Variants in TBC1D8B observed in about 807,000 individuals in gnomAD.
TBC1D8B encodes TBC1 domain family member 8B.
Under a neutral mutation model 82.9 loss-of-function variants are expected in TBC1D8B, and 75 were observed. That is an observed-to-expected ratio of 0.90 (90% confidence interval 0.75 to 1.10). TBC1D8B has a LOEUF of 1.10. Among genes scored for constraint, TBC1D8B ranks in the 50% least tolerant of loss-of-function variants. The pLI, the probability that TBC1D8B is intolerant of heterozygous loss-of-function variation, is 0.00. For synonymous variants in TBC1D8B, 276 were observed against 276.8 expected (o/e 1.00, Z 0.03); for missense variants, 794 against 796.9 (o/e 1.00, Z 0.04).
chrX:106,827,642 C>A, intron 7 of TBC1D8B: 1 of 181,612 alleles, frequency 5.5e-6, no homozygotes, highest in Non-Finnish European at 1.0e-5. Context: ...TTTAAGAAGT[C>A]AAAATATATT....
In TBC1D8B at chrX:106,810,966, C is replaced by T. The variant is rs187178373; in HGVS notation, c.131-7697C>T. ...ATACCTAAGTAGAAAACTAATATTTCCTGTCAAGTAGATTTCATTCTAATG... is the reference window on the plus strand; with the variant it reads ...ATACCTAAGTAGAAAACTAATATTTTCTGTCAAGTAGATTTCATTCTAATG... On this transcript the variant is annotated intron_variant, in intron 1 of 20. Transcript: ENST00000357242. Among the ~76,000 whole-genome samples the T allele has an allele frequency of 7.2e-5, 8 of 110,785 alleles. No individual in the cohort carries two copies. The East Asian group carries it at 2.0e-3, about 27-fold the overall frequency.
At chrX:106,857,885 T>C (rs1932729733) in intron 14 of TBC1D8B, among the ~76,000 whole-genome samples, 1 of 112,467 alleles carries the variant, frequency 8.9e-6, no homozygotes, top group Non-Finnish European at 1.9e-5. Flanking sequence ...TACACATACA[T>C]GTGTCTTTAT....
At chrX:106,842,621 ATCTATCTATCTATCTATC>A (rs1215258652) in intron 10 of TBC1D8B, among the ~76,000 whole-genome samples, 4 of 96,063 alleles carry the variant, frequency 4.2e-5, no homozygotes, top group African/African-American at 2.2e-4. Context: ...CTATCTATCT[ATCTATCTATCTATCTATC>A]TATCTATCTA....
rs777560933 is a variant in TBC1D8B at position 106,857,304 on chromosome X, C to T, written c.2352+3008C>T. Among the ~76,000 whole-genome samples the T allele has an allele frequency of 2.7e-5, 3 of 110,486 alleles. No individual in the cohort carries two copies. The South Asian group carries it at 1.2e-3, about 44-fold the overall frequency. On this transcript the variant is annotated intron_variant, in intron 14 of 20. Transcript: ENST00000357242. ...AGTAGCTGGGATTACAGGTGCCTGT[C>T]ACCATGCCCAGCTAATTTTTGTATT...
rs1333110996 is a variant in TBC1D8B at position 106,826,205 on chromosome X, A to G, written c.1003A>G (p.Asn335Asp). 2.5e-6 allele frequency: 3 copies of G among 1,209,129 alleles called. No individual in the cohort carries two copies. In the African/African-American group the frequency reaches 5.2e-5, roughly 21 times the overall value. ...NYICFASQDG[N>D]QCSVIIPLRE... Reference sequence around the variant, plus strand: ...TATCTGCTTTGCTAGCCAAGATGGCAATCAGTGTAGTGTAATCATTCCACT... The same window carrying G: ...TATCTGCTTTGCTAGCCAAGATGGCGATCAGTGTAGTGTAATCATTCCACT... Residue 335 changes from asparagine (N) to aspartate (D), a missense_variant, in exon 6 of 21, where the codon AAT becomes GAT. Asn to Asp is a conservative substitution (Grantham distance 23, BLOSUM62 1). Transcript: ENST00000357242.
Position 106,865,797 on chromosome X carries a change from A to G in TBC1D8B, c.2426A>G (p.Glu809Gly). 8.5e-7 allele frequency: 1 copy of G among 1,182,169 alleles called. No homozygotes were observed. Among genetic ancestry groups the G allele is most frequent in the Non-Finnish European group, 1.1e-6 (1 of 883,625 alleles). The change falls in exon 16 of 21, where the codon GAG becomes GGG. Residue 809 changes from glutamate (E) to glycine (G), a missense_variant. By Grantham distance (98) the Glu-to-Gly change is moderately conservative. Coordinates refer to ENST00000357242, the MANE Select transcript of TBC1D8B (RefSeq NM_017752.3). Reference sequence around the variant, plus strand: ...TTTTTTATTTATTTTTAATAGAAAGAGCTGTTTTTATCTTGTTATTGGTGT... The same window carrying G: ...TTTTTTATTTATTTTTAATAGAAAGGGCTGTTTTTATCTTGTTATTGGTGT... ...LDELYVIFKK[E>G]LFLSCYWCLG... is the part of the protein sequence containing the mutation.
intron 1 of TBC1D8B, chrX:106,814,497 A>T (rs1383918924): frequency 1.9e-5 from 2 of 106,584 alleles, no homozygotes; most frequent in Non-Finnish European, 3.9e-5. Context: ...ATAGTGCCGC[A>T]ATAAACATAC....
intron 11 of TBC1D8B, chrX:106,849,665 G>C: frequency 1.1e-6 from 1 of 877,055 alleles, no homozygotes; most frequent in African/African-American, 2.1e-5. Flanking sequence ...TTTGTTGTTT[G>C]GCATTGTCAA....
intron 11 of TBC1D8B, chrX:106,849,550 C>G: frequency 1.1e-6 from 1 of 942,464 alleles, no homozygotes; most frequent in East Asian, 4.6e-5. Context: ...AGTGCTTTCT[C>G]TGTGTATTGC....
intron 7 of TBC1D8B, among the ~76,000 whole-genome samples, chrX:106,831,431 A>G (rs890751186): frequency 2.7e-5 from 3 of 111,156 alleles, no homozygotes; most frequent in African/African-American, 9.8e-5. Context: ...TTTAGTATGT[A>G]CCCAGGATAT....
chrX:106,856,437 A>G, intron 14 of TBC1D8B, among the ~76,000 whole-genome samples: 1 of 110,817 alleles, frequency 9.0e-6, no homozygotes, highest in East Asian at 2.8e-4. Flanking sequence ...AATTATAAAA[A>G]TATTTTTTCA....
In TBC1D8B at chrX:106,840,076, G is replaced by A; in HGVS notation, c.1382G>A (p.Trp461Ter). 8.3e-7 allele frequency: 1 copy of A among 1,206,426 alleles called. No individual in the cohort carries two copies. The highest frequency in any genetic ancestry group is 1.1e-6 in the Non-Finnish European group (1 of 893,187). The stretch of plus-strand genomic sequence containing the variant: ...AAAGAAAAAATGAAGGAACAGTCAT[G>A]GAAAATACTGTTTGCAGAATGTGGA... ...MLKEKMKEQS[W>*]KILFAECGRG... Residue 461 changes from tryptophan (W) to a stop codon, truncating the protein, a stop_gained, in exon 9 of 21, where the codon TGG becomes TAG. Coordinates refer to ENST00000357242, the MANE Select transcript of TBC1D8B (RefSeq NM_017752.3). LOFTEE classifies it high-confidence loss of function.
intron 7 of TBC1D8B, among the ~76,000 whole-genome samples, chrX:106,831,825 T>C (rs1932055824): frequency 9.0e-6 from 1 of 111,478 alleles, no homozygotes; most frequent in Non-Finnish European, 1.9e-5. Flanking sequence ...TAGTATACTA[T>C]CTGCTTGGAA....
intron 7 of TBC1D8B, among the ~76,000 whole-genome samples, chrX:106,834,635 A>G (rs1288706230): frequency 2.7e-5 from 3 of 112,247 alleles, no homozygotes; most frequent in African/African-American, 6.5e-5. Flanking sequence ...CTGTAAAATC[A>G]AAAGCAAGTT....
intron 12 of TBC1D8B, 96 bp downstream of exon 12, chrX:106,850,406 T>C (rs958883346): frequency 4.1e-5 from 38 of 933,864 alleles, no homozygotes; most frequent in Non-Finnish European, 5.4e-5. Flanking sequence ...CCCTAGAAAT[T>C]TCAGTTTGTC....
chrX:106,838,033 G>T (rs1225093674), intron 7 of TBC1D8B, among the ~76,000 whole-genome samples: 1 of 111,471 alleles, frequency 9.0e-6, no homozygotes, highest in Non-Finnish European at 1.9e-5. Context: ...GTGTAATGTT[G>T]TTTTAATTTG....
At chrX:106,848,129 G>T in intron 10 of TBC1D8B, 57 bp from the exon 11 acceptor site, 1 of 806,514 alleles carries the variant, frequency 1.2e-6, no homozygotes. Context: ...GTTTGAAGAA[G>T]TATAATTATT....
At chrX:106,847,006 G>A (rs1274857460) in intron 10 of TBC1D8B, among the ~76,000 whole-genome samples, 4 of 112,052 alleles carry the variant, frequency 3.6e-5, no homozygotes, top group Non-Finnish European at 5.6e-5. Context: ...CTATTGGTCA[G>A]AAATATAAAT....
chrX:106,854,331 A>G, intron 14 of TBC1D8B, 35 bp downstream of exon 14: 1 of 990,496 alleles, frequency 1.0e-6, no homozygotes, highest in Non-Finnish European at 1.4e-6. Flanking sequence ...AACCAGTTGG[A>G]GTAATTTTTT....
Sources: allele counts gnomAD v4.1 joint callset (sites outside exome capture counted in the v4.1 genomes callset), GRCh38; gene constraint gnomAD v4.1.1; transcripts MANE v1.5; gene names NCBI Gene and HGNC (gene_info 2026-07-23, HGNC 2026-07-21).